Variants in CSMD1 observed in about 807,000 individuals in gnomAD.
CSMD1 encodes CUB and Sushi multiple domains 1.
In CSMD1, 213 loss-of-function variants were observed where a neutral mutation model predicts 417.5. The ratio of observed to expected loss-of-function variants is 0.51; its 90% confidence interval spans 0.46 to 0.57. The LOEUF (loss-of-function observed/expected upper bound fraction) is 0.57. Among genes scored for constraint, CSMD1 ranks in the 20% least tolerant of loss-of-function variants. CSMD1 has a pLI of 0.00. For synonymous variants in CSMD1, 2,862 were observed against 1,736.8 expected (o/e 1.65, Z -16.11); for missense variants, 6,923 against 4,529.7 (o/e 1.53, Z -15.17).
intron 2 of CSMD1, among the ~76,000 whole-genome samples, chr8:4,459,236 G>T (rs146015209): frequency 6.6e-6 from 1 of 152,316 alleles, no homozygotes; most frequent in East Asian, 1.9e-4. Flanking sequence ...GGTATGGGAG[G>T]CTCAACTCCA....
chr8:4,052,496 G>C (rs1798485098), intron 3 of CSMD1, among the ~76,000 whole-genome samples: 1 of 152,178 alleles, frequency 6.6e-6, no homozygotes, highest in African/African-American at 2.4e-5. Context: ...TCAGAGTGCA[G>C]TGGGAGATCA....
chr8:3,440,033 A>T (rs1814870803), intron 12 of CSMD1, among the ~76,000 whole-genome samples: 1 of 152,082 alleles, frequency 6.6e-6, no homozygotes, highest in Non-Finnish European at 1.5e-5. Context: ...TTCCACCAAC[A>T]CCACATGGTC....
chr8:3,027,889 T>C (rs1469669406), intron 51 of CSMD1, among the ~76,000 whole-genome samples: 2 of 152,228 alleles, frequency 1.3e-5, no homozygotes, highest in South Asian at 2.1e-4. Flanking sequence ...CTAATGAGTT[T>C]AGTTCAGGAA....
intron 2 of CSMD1, among the ~76,000 whole-genome samples, chr8:4,586,247 T>C (rs1799693877): frequency 6.6e-6 from 1 of 152,220 alleles, no homozygotes; most frequent in African/African-American, 2.4e-5. Flanking sequence ...TTCCAAGTAC[T>C]AGTTCTTATT....
chr8:4,025,908 T>C (rs1456610729), intron 4 of CSMD1, among the ~76,000 whole-genome samples: 2 of 152,094 alleles, frequency 1.3e-5, no homozygotes, highest in African/African-American at 4.8e-5. Context: ...TAGGTGTCAT[T>C]ATTCAGGGAA....
chr8:3,832,874 C>T (rs1031468321), intron 5 of CSMD1, among the ~76,000 whole-genome samples: 1 of 152,050 alleles, frequency 6.6e-6, no homozygotes, highest in African/African-American at 2.4e-5. Flanking sequence ...TTTGGAGAAT[C>T]CAAGAAGAAA....
At chr8:3,770,588 G>A (rs919965628) in intron 5 of CSMD1, among the ~76,000 whole-genome samples, 4 of 152,054 alleles carry the variant, frequency 2.6e-5, no homozygotes, top group South Asian at 2.1e-4. Flanking sequence ...GAGGCCTGTC[G>A]CACATGCAGA....
intron 2 of CSMD1, among the ~76,000 whole-genome samples, chr8:4,447,030 C>G (rs1385459651): frequency 6.6e-6 from 1 of 151,628 alleles, no homozygotes; most frequent in Non-Finnish European, 1.5e-5. Context: ...GTGGAGTTAA[C>G]AAAAAGGATC....
chr8:3,708,592 C>A (rs1801313307), intron 6 of CSMD1, 101 bp from the exon 7 acceptor site: 2 of 896,554 alleles, frequency 2.2e-6, no homozygotes, highest in Non-Finnish European at 3.7e-6. Flanking sequence ...TTTCTATCAA[C>A]CCCCGAAAAT....
At chr8:4,681,088 ATAAT>A (rs995844255) in intron 1 of CSMD1, among the ~76,000 whole-genome samples, 8 of 152,134 alleles carry the variant, frequency 5.3e-5, no homozygotes, top group African/African-American at 1.9e-4. Flanking sequence ...GTAATGAAAA[ATAAT>A]TAATGTCTCT....
chr8:4,987,222 A>T (rs1226514002), intron 1 of CSMD1, among the ~76,000 whole-genome samples: 2 of 152,206 alleles, frequency 1.3e-5, no homozygotes, highest in Non-Finnish European at 2.9e-5. Context: ...TCATTTGGAA[A>T]AGAAGCCATG....
chr8:3,711,194 G>A (rs929628739), intron 6 of CSMD1, among the ~76,000 whole-genome samples: 1 of 152,196 alleles, frequency 6.6e-6, no homozygotes, highest in African/African-American at 2.4e-5. Context: ...ACTTTGAGGA[G>A]CTTTTCCCAA....
intron 49 of CSMD1, among the ~76,000 whole-genome samples, chr8:3,069,377 G>T (rs1216968072): frequency 6.6e-6 from 1 of 151,908 alleles, no homozygotes; most frequent in African/African-American, 2.4e-5. Context: ...GGAGGTTGCA[G>T]TGAGCCAAGA....
chr8:4,355,308 C>T lies in CSMD1; in HGVS notation c.415+64645G>A, dbSNP rs1563087209. Among the ~76,000 whole-genome samples the T allele has an allele frequency of 5.6e-5, 7 of 124,452 alleles. No homozygotes were observed. The South Asian group carries it at 1.9e-3, about 34-fold the overall frequency. The allele number at this position is 124,452 out of a possible 152,430, so 81.6% of individuals were successfully genotyped here. ...GGACACAGGAACAAACCACTTCATACACACACACACACACACGCACACACA... is the reference window on the plus strand; with the variant it reads ...GGACACAGGAACAAACCACTTCATATACACACACACACACACGCACACACA... On this transcript the variant is annotated intron_variant, in intron 3 of 69. Coordinates refer to ENST00000635120, the MANE Select transcript of CSMD1 (RefSeq NM_033225.6).
At chr8:4,591,292 A>C (rs868320979) in intron 2 of CSMD1, among the ~76,000 whole-genome samples, 1 of 152,236 alleles carries the variant, frequency 6.6e-6, no homozygotes, top group Non-Finnish European at 1.5e-5. Context: ...AAGTCGAACA[A>C]AGACCCAGAG....
At chr8:4,245,515 C>T (rs1335296610) in intron 3 of CSMD1, among the ~76,000 whole-genome samples, 1 of 152,084 alleles carries the variant, frequency 6.6e-6, no homozygotes, top group Non-Finnish European at 1.5e-5. Flanking sequence ...GGATGTTTCC[C>T]AATCCATGGT....
rs560844791 is a variant in CSMD1, at chr8:3,865,059, C to T, written c.819-111017G>A. ...TAAGACATGCTTTGATTCTATTTCT[C>T]GGCATATGCCAACAGTGTTACTTTG... is the stretch of plus-strand genomic sequence containing the variant. On this transcript the variant is annotated intron_variant, in intron 5 of 69. Coordinates refer to ENST00000635120, the MANE Select transcript of CSMD1 (RefSeq NM_033225.6). Among the ~76,000 whole-genome samples, 203 of 152,254 alleles carry T rather than the reference C, an allele frequency of 1.3e-3. 2 individuals carry two copies. In the Middle Eastern group the frequency reaches 0.017, roughly 13 times the overall value.
chr8:3,679,275 G>A (rs529747156), intron 7 of CSMD1, among the ~76,000 whole-genome samples: 66 of 152,260 alleles, frequency 4.3e-4, no homozygotes, highest in African/African-American at 1.5e-3. Context: ...TCAGTGTGTT[G>A]TATTCAGGAA....
chr8:4,724,451 T>C (rs188984539), intron 1 of CSMD1, among the ~76,000 whole-genome samples: 72 of 152,046 alleles, frequency 4.7e-4, no homozygotes, highest in Admixed American at 4.2e-3. Flanking sequence ...AAATATAATA[T>C]TTACATTACT....
Sources: gnomAD v4.1 joint callset for allele counts (sites outside exome capture counted in the v4.1 genomes callset) on GRCh38, gnomAD v4.1.1 for gene constraint, MANE v1.5 for transcripts, NCBI Gene and HGNC (gene_info 2026-07-23, HGNC 2026-07-21) for gene names.